SH3RF1: variants seen among roughly 807,000 people sequenced by gnomAD.
The protein encoded by SH3RF1 is E3 ubiquitin-protein ligase SH3RF1.
Under a neutral mutation model 74.0 loss-of-function variants are expected in SH3RF1, and 32 were observed. The observed-to-expected ratio is 0.43, with a 90% CI of 0.33 to 0.58. The LOEUF is 0.58. Ranked by LOEUF, SH3RF1 falls within the 20% of genes least tolerant of loss-of-function variation. The probability of loss-of-function intolerance (pLI) is 0.05; values close to 1 mark genes in which losing one functional copy is unlikely to be tolerated. For missense variants in SH3RF1, 954 were observed against 1,130.9 expected, an observed-to-expected ratio of 0.84 and a Z score of 2.24; for synonymous variants, 396 against 439.6, an observed-to-expected ratio of 0.90 and a Z score of 1.24.
chr4:169,207,394 T>A (rs978632701), intron 2 of SH3RF1, among the ~76,000 whole-genome samples: 3 of 152,202 alleles, frequency 2.0e-5, no homozygotes, highest in African/African-American at 4.8e-5. Flanking sequence ...GCCACTGTGC[T>A]CCAGTCTAGG....
At chr4:169,230,082 T>A (rs1299068216) in intron 2 of SH3RF1, among the ~76,000 whole-genome samples, 2 of 152,076 alleles carry the variant, frequency 1.3e-5, no homozygotes, top group African/African-American at 4.8e-5. Context: ...GGTGCATGCC[T>A]GTAATCCCAG....
chr4:169,145,344 A>G (rs983741908), intron 4 of SH3RF1, among the ~76,000 whole-genome samples: 3 of 152,074 alleles, frequency 2.0e-5, no homozygotes, highest in African/African-American at 7.2e-5. Context: ...AGAAAATCAA[A>G]TACTGCATTT....
At chr4:169,204,445 C>A (rs1215004202) in intron 2 of SH3RF1, among the ~76,000 whole-genome samples, 4 of 151,988 alleles carry the variant, frequency 2.6e-5, no homozygotes, top group Non-Finnish European at 5.9e-5. Flanking sequence ...TAACACTCCA[C>A]ATATATTAGA....
rs377411811 is a variant in SH3RF1 at position 169,151,206 on chromosome 4, G to T, written c.765+4274C>A. On this transcript the variant is annotated intron_variant, in intron 4 of 11. Transcript: ENST00000284637. Reference sequence around the variant, plus strand: ...GACCCTGCGGAACCGGCCCTTGGGAGTTTGAATTCTAATGGGGAAATGGAG... The same window carrying T: ...GACCCTGCGGAACCGGCCCTTGGGATTTTGAATTCTAATGGGGAAATGGAG... Among the ~76,000 whole-genome samples the T allele has an allele frequency of 3.9e-5, 6 of 152,306 alleles. No individual in the cohort carries two copies. The East Asian group carries it at 7.7e-4, about 20-fold the overall frequency.
Position 169,136,348 on chromosome 4 carries a change from C to G in SH3RF1, c.1038G>C (p.Leu346=). 2.0e-6 allele frequency: 3 copies of G among 1,510,846 alleles called. No homozygotes were observed. The highest frequency in any genetic ancestry group is 1.4e-5 in the African/African-American group (1 of 71,558). The allele number at this position is 1,510,846 out of a possible 1,614,324, so 93.6% of individuals were successfully genotyped here. A position where few individuals can be genotyped will look rare whatever the true frequency, so the allele number is the denominator to read the frequency against. ...AAGGGGCACTGCAGGAGAGCCCAGA[C>G]AGCTCGCTGATCCGTGCAGCAGCAG... is the stretch of plus-strand genomic sequence containing the variant. ...NPTAAARISE[L]SGLSCSAPSQ... is the part of the protein sequence containing the mutation. The change falls in exon 5 of 12, where the codon CTG becomes CTC. Residue 346 remains leucine, a synonymous_variant. Transcript: ENST00000284637.
intron 2 of SH3RF1, among the ~76,000 whole-genome samples, chr4:169,191,325 T>C (rs1734705223): frequency 1.5e-5 from 2 of 136,546 alleles, no homozygotes; most frequent in African/African-American, 5.3e-5. Flanking sequence ...ACCTTAGGAA[T>C]ATACCTAACC....
At chr4:169,200,409 T>C (rs1008603341) in intron 2 of SH3RF1, among the ~76,000 whole-genome samples, 8 of 152,088 alleles carry the variant, frequency 5.3e-5, no homozygotes, top group African/African-American at 1.2e-4. Flanking sequence ...ATCAATTATA[T>C]AAAAATAAAA....
At chr4:169,145,782 C>T (rs1203721866) in intron 4 of SH3RF1, among the ~76,000 whole-genome samples, 1 of 132,904 alleles carries the variant, frequency 7.5e-6, no homozygotes, top group Non-Finnish European at 1.6e-5. Flanking sequence ...ATTATATATT[C>T]TATATATTAT....
chr4:169,231,225 A>G (rs1248050693), intron 2 of SH3RF1, among the ~76,000 whole-genome samples: 1 of 152,220 alleles, frequency 6.6e-6, no homozygotes, highest in African/African-American at 2.4e-5. Context: ...TGTTCTTACT[A>G]TACTTTTTCT....
At position 169,106,869 on chromosome 4, in the gene SH3RF1, A is replaced by G; in HGVS notation, c.2476T>C (p.Ser826Pro). The G allele has an allele frequency of 2.5e-6, 4 of 1,610,078 alleles. No homozygotes were observed. Among genetic ancestry groups the G allele is most frequent in the South Asian group, 1.1e-5 (1 of 90,662 alleles). ...CSSLGPVLNE[S>P]RPVVCERHRV... Reference sequence around the variant, plus strand: ...TACCTTTCACAAACGACAGGTCTAGACTCATTCAAGACAGGACCCAGGGAG... The same window carrying G: ...TACCTTTCACAAACGACAGGTCTAGGCTCATTCAAGACAGGACCCAGGGAG... Residue 826 changes from serine (S) to proline (P), a missense_variant, in exon 11 of 12, where the codon TCT becomes CCT. Transcript: ENST00000284637.
intron 2 of SH3RF1, among the ~76,000 whole-genome samples, chr4:169,196,142 A>G (rs546303853): frequency 1.1e-4 from 16 of 152,280 alleles, no homozygotes; most frequent in African/African-American, 2.9e-4. Context: ...GTCTATTTCT[A>G]TAATGCCAAT....
chr4:169,126,219 A>G (rs1733521566), intron 6 of SH3RF1, among the ~76,000 whole-genome samples: 1 of 152,240 alleles, frequency 6.6e-6, no homozygotes, highest in South Asian at 2.1e-4. Context: ...CAGATCCTCA[A>G]TGAGCATTTC....
intron 2 of SH3RF1, among the ~76,000 whole-genome samples, chr4:169,172,977 C>G (rs1308239118): frequency 1.3e-5 from 2 of 152,038 alleles, no homozygotes; most frequent in Admixed American, 1.3e-4. Context: ...AGATATTACT[C>G]TAAAACTAAA....
intron 2 of SH3RF1, among the ~76,000 whole-genome samples, chr4:169,222,028 A>G (rs1730574093): frequency 6.6e-6 from 1 of 152,218 alleles, no homozygotes; most frequent in Non-Finnish European, 1.5e-5. Flanking sequence ...TACATTATCA[A>G]GTGTAGGTGT....
chr4:169,177,307 G>C (rs561186879), intron 2 of SH3RF1, among the ~76,000 whole-genome samples: 6 of 152,080 alleles, frequency 3.9e-5, no homozygotes, highest in Non-Finnish European at 7.4e-5. Flanking sequence ...AGAAAACATA[G>C]ATCATTTTTC....
At chr4:169,122,302 AG>A in intron 6 of SH3RF1, 36 bp from the exon 7 acceptor site, 1 of 1,541,388 alleles carries the variant, frequency 6.5e-7, no homozygotes, top group Non-Finnish European at 8.8e-7. Flanking sequence ...AAGGGAAAAA[AG>A]GGAACAAAAT....
intron 7 of SH3RF1, 48 bp downstream of exon 7, chr4:169,122,052 T>G: frequency 6.3e-7 from 1 of 1,596,962 alleles, no homozygotes; most frequent in Non-Finnish European, 8.6e-7. Context: ...AGGTTTGGAC[T>G]TCGTTTAAAT....
chr4:169,263,044 C>T (rs983458265), intron 2 of SH3RF1, among the ~76,000 whole-genome samples: 9 of 152,200 alleles, frequency 5.9e-5, no homozygotes, highest in African/African-American at 1.9e-4. Flanking sequence ...TTCTGAAACA[C>T]ACAGAAACAT....
Position 169,134,634 on chromosome 4 carries a change from T to G in SH3RF1, c.1068+1684A>C, listed in dbSNP as rs578131433. ...CTAGCTCCCTCCTTCAGAACCTTACTCAAAAATCTTTAGTTCTGAACCTTT... is the reference window on the plus strand; with the variant it reads ...CTAGCTCCCTCCTTCAGAACCTTACGCAAAAATCTTTAGTTCTGAACCTTT... On this transcript the variant is annotated intron_variant, in intron 5 of 11. Transcript: ENST00000284637. Among the ~76,000 whole-genome samples the G allele has an allele frequency of 8.8e-4, 134 of 152,304 alleles. 1 individual carries two copies. Among genetic ancestry groups the G allele is most frequent in the African/African-American group, 3.1e-3 (129 of 41,576 alleles).
Sources: gnomAD v4.1 joint callset for allele counts (sites outside exome capture counted in the v4.1 genomes callset) on GRCh38, gnomAD v4.1.1 for gene constraint, MANE v1.5 for transcripts, NCBI Gene and HGNC (gene_info 2026-07-23, HGNC 2026-07-21) for gene names.